The following ANK3 variants were observed in gnomAD, a reference collection of about 807,000 sequenced individuals.
ANK3 encodes the protein ankyrin-3.
ANK3 carries 57 observed loss-of-function variants against 370.9 expected under a neutral mutation model. The ratio of observed to expected loss-of-function variants is 0.15; its 90% CI spans 0.12 to 0.19. The LOEUF is 0.19. Among genes scored for constraint, ANK3 ranks in the 10% least tolerant of loss-of-function variants. The pLI is 1.00. For missense variants in ANK3, 4,439 were observed against 5,302.1 expected (o/e 0.84, Z 5.06); for synonymous variants, 1,929 against 1,946.3 (o/e 0.99, Z 0.23).
chr10:60,309,225 G>T (rs190570524), intron 1 of ANK3, among the ~76,000 whole-genome samples: 4 of 152,128 alleles, frequency 2.6e-5, no homozygotes, highest in Admixed American at 6.5e-5. Context: ...ATCACATTAG[G>T]AAAGCCACTT....
chr10:60,045,339 T>C (rs935864668), intron 42 of ANK3, among the ~76,000 whole-genome samples: 2 of 152,202 alleles, frequency 1.3e-5, no homozygotes, highest in African/African-American at 4.8e-5. Flanking sequence ...AAAAATAGAA[T>C]ACATTCTTAA....
chr10:60,540,809 T>C (rs1251867614), intron 2 of ANK3, among the ~76,000 whole-genome samples: 1 of 151,994 alleles, frequency 6.6e-6, no homozygotes, highest in African/African-American at 2.4e-5. Flanking sequence ...AAAATAATTC[T>C]ACCTTTAAAA....
intron 2 of ANK3, among the ~76,000 whole-genome samples, chr10:60,517,794 A>G (rs1423054707): frequency 7.2e-6 from 1 of 139,370 alleles, no homozygotes; most frequent in Non-Finnish European, 1.5e-5. Context: ...CGCTCTGTAT[A>G]AAACAAGATG....
Position 60,076,286 on chromosome 10 carries a change from G to T in ANK3, c.4595C>A (p.Pro1532Gln). The part of the protein sequence containing the change: ...TSLSSSSSNT[P>Q]SASPLKSIWS... ...TATTGATTTTAACGGAGAAGCTGAT[G>T]GCGTATTAGAGGAAGAACTTGATAA... Residue 1532 changes from proline to glutamine, a missense_variant, in exon 37 of 44, where the codon CCA becomes CAA. Pro to Gln is a moderately conservative substitution (Grantham distance 76, BLOSUM62 -1). Transcript: ENST00000280772. 2 of 1,614,108 alleles carry T rather than the reference G, an allele frequency of 1.2e-6. No individual in the cohort carries two copies. The highest frequency in any genetic ancestry group is 1.7e-6 in the Non-Finnish European group (2 of 1,179,964).
intron 2 of ANK3, among the ~76,000 whole-genome samples, chr10:60,438,649 G>T (rs1056724213): frequency 6.6e-6 from 1 of 152,184 alleles, no homozygotes; most frequent in South Asian, 2.1e-4. Context: ...ATTAAGTGAG[G>T]AAGACCAAAT....
At position 60,059,424 on chromosome 10, in the gene ANK3, T is replaced by C; in HGVS notation, c.12602A>G (p.Gln4201Arg). The C allele has an allele frequency of 1.2e-6, 2 of 1,613,906 alleles. No homozygotes were observed. Among genetic ancestry groups the C allele is most frequent in the South Asian group, 2.2e-5 (2 of 91,078 alleles). ...NVFHDPVDGW[Q>R]NETSSGNLES... is the part of the protein sequence containing the mutation. ...TAGGTTTCCACTTGATGTCTCATTCTGCCAACCTGTAATTGAAGACATTTC... is the reference window on the plus strand; with the variant it reads ...TAGGTTTCCACTTGATGTCTCATTCCGCCAACCTGTAATTGAAGACATTTC... The change falls in exon 41 of 44, where the codon CAG (glutamine) becomes CGG (arginine). Residue 4201 changes from glutamine (Q) to arginine (R), a missense_variant. This residue lies in a region of ANK3 where 242 missense variants were observed against 228.0 expected (regional missense o/e 1.06). Coordinates refer to ENST00000280772, the MANE Select transcript of ANK3 (RefSeq NM_020987.5).
chr10:60,450,610 A>T (rs915801153), intron 2 of ANK3, among the ~76,000 whole-genome samples: 17 of 152,214 alleles, frequency 1.1e-4, no homozygotes, highest in Admixed American at 1.0e-3. Flanking sequence ...AGGGATGAAA[A>T]TGCATGATGA....
Position 60,389,295 on chromosome 10 carries a change from C to A in ANK3, c.114+130G>T. 5.8e-6 allele frequency: 5 copies of A among 854,768 alleles called. No individual in the cohort carries two copies. The South Asian group carries it at 8.8e-5, about 15-fold the overall frequency. The allele number at this position is 854,768 out of a possible 1,614,324, so 52.9% of individuals were successfully genotyped here. On this transcript the variant is annotated intron_variant, in intron 1 of 43. Transcript: ENST00000280772. ...CTGCCATAGGGTTTATCATCTGTTC[C>A]CAATTTACACACCCAATTTACACTC... is the stretch of plus-strand genomic sequence containing the variant.
At chr10:60,550,723 C>T (rs1182363802) in intron 2 of ANK3, among the ~76,000 whole-genome samples, 4 of 152,084 alleles carry the variant, frequency 2.6e-5, no homozygotes, top group Admixed American at 2.6e-4. Context: ...AGCATGAACA[C>T]AGCGCATTCT....
At chr10:60,627,383 C>T (rs1311073271) in intron 1 of ANK3, among the ~76,000 whole-genome samples, 1 of 150,508 alleles carries the variant, frequency 6.6e-6, no homozygotes, top group Non-Finnish European at 1.5e-5. Flanking sequence ...TACTTGACGT[C>T]GTTATTGTCC....
intron 16 of ANK3, among the ~76,000 whole-genome samples, chr10:60,192,391 A>G (rs1483837863): frequency 1.3e-5 from 2 of 150,672 alleles, no homozygotes; most frequent in East Asian, 3.9e-4. Context: ...CTTGTTTGAC[A>G]AATATAAAGC....
intron 40 of ANK3, 141 bp from the exon 41 acceptor site, chr10:60,059,571 A>C (rs2079929934): frequency 8.0e-7 from 1 of 1,242,540 alleles, no homozygotes; most frequent in South Asian, 1.3e-5. Context: ...CTCTTCCATC[A>C]TCTCCTCATC....
chr10:60,237,718 T>C (rs1377375144), intron 7 of ANK3, among the ~76,000 whole-genome samples: 1 of 152,158 alleles, frequency 6.6e-6, no homozygotes, highest in African/African-American at 2.4e-5. Flanking sequence ...GCCTTGAGTT[T>C]CTAATTCTCA....
chr10:60,157,652 A>C (rs1432684814), intron 23 of ANK3, among the ~76,000 whole-genome samples: 1 of 152,050 alleles, frequency 6.6e-6, no homozygotes, highest in African/African-American at 2.4e-5. Flanking sequence ...CAGGAGTTGA[A>C]AAACTTAATT....
At chr10:60,349,916 A>T (rs1477046907) in intron 1 of ANK3, among the ~76,000 whole-genome samples, 2 of 152,222 alleles carry the variant, frequency 1.3e-5, no homozygotes, top group East Asian at 3.8e-4. Flanking sequence ...CCATAAAGTA[A>T]CGGACTTGTC....
chr10:60,546,696 G>T (rs541370541), intron 2 of ANK3, among the ~76,000 whole-genome samples: 1 of 152,206 alleles, frequency 6.6e-6, no homozygotes, highest in African/African-American at 2.4e-5. Flanking sequence ...CTGCAAAGAG[G>T]TGGAACGTAC....
At chr10:60,599,828 C>T (rs931090652) in intron 2 of ANK3, among the ~76,000 whole-genome samples, 2 of 152,108 alleles carry the variant, frequency 1.3e-5, no homozygotes, top group African/African-American at 4.8e-5. Context: ...TCTGTAAAGC[C>T]CCACATGGAC....
intron 25 of ANK3, among the ~76,000 whole-genome samples, chr10:60,128,230 G>C (rs1408561927): frequency 1.3e-5 from 2 of 152,036 alleles, no homozygotes; most frequent in African/African-American, 2.4e-5. Flanking sequence ...CTCCTCAAGG[G>C]CCTTTTTCTT....
chr10:60,253,328 CAAGAT>C (rs1425152903), intron 7 of ANK3, among the ~76,000 whole-genome samples: 1 of 152,094 alleles, frequency 6.6e-6, no homozygotes, highest in Non-Finnish European at 1.5e-5. Flanking sequence ...ATGATACAGC[CAAGAT>C]AAGAGTCCAG....
Sources: allele counts gnomAD v4.1 joint callset (sites outside exome capture counted in the v4.1 genomes callset), GRCh38; gene constraint gnomAD v4.1.1; regional missense constraint gnomAD v4.1.1; transcripts MANE v1.5; gene names NCBI Gene and HGNC (gene_info 2026-07-23, HGNC 2026-07-21).